Variants in DPP6 observed in about 807,000 individuals in gnomAD.
DPP6 encodes dipeptidyl peptidase like 6.
A neutral mutation model predicts 122.6 loss-of-function variants in DPP6; 69 were observed. The ratio of observed to expected loss-of-function variants is 0.56; its 90% CI spans 0.46 to 0.69. DPP6 has a LOEUF of 0.69. Ranked by LOEUF, DPP6 falls within the 30% of genes least tolerant of loss-of-function variation. The pLI is 0.00. For synonymous variants in DPP6, 418 were observed against 433.1 expected (o/e 0.97, Z 0.43); for missense variants, 928 against 1,116.9 (o/e 0.83, Z 2.41).
At chr7:153,827,561 A>G in the DPP6 span, among the ~76,000 whole-genome samples, 1 of 152,176 alleles carries the variant, frequency 6.6e-6, no homozygotes, top group Non-Finnish European at 1.5e-5. Context: ...AGGCTGACAC[A>G]AAACCCTAGT....
At chr7:154,072,064 T>A (rs1286956367) in intron 1 of DPP6, among the ~76,000 whole-genome samples, 1 of 152,218 alleles carries the variant, frequency 6.6e-6, no homozygotes, top group Non-Finnish European at 1.5e-5. Context: ...GGGCAGAGTG[T>A]ACTGATTAGA....
intron 1 of DPP6, among the ~76,000 whole-genome samples, chr7:154,102,349 C>T (rs1158504148): frequency 2.0e-5 from 3 of 152,092 alleles, no homozygotes; most frequent in South Asian, 2.1e-4. Context: ...ACCAATACGC[C>T]CAGCTAATTT....
In DPP6 at chr7:153,977,198, G is replaced by GATGTGTGTGT. The variant is rs1554424794; in HGVS notation, c.51+89464_51+89465insATGTGTGTGT. Among the ~76,000 whole-genome samples, 756 of 149,726 alleles carry GATGTGTGTGT rather than the reference G, an allele frequency of 5.0e-3. 8 individuals are homozygous for GATGTGTGTGT. The highest frequency in any genetic ancestry group is 0.025 in the Admixed American group (375 of 15,070). On this transcript the variant is annotated intron_variant, in intron 1 of 25. Coordinates refer to the DPP6 transcript ENST00000404039. Reference sequence around the variant, plus strand: ...TTTGCATTAAGTAGGTACCAATAGGGGTGTGTGTGTGTGTGTGTGTGTGTT... The same window carrying GATGTGTGTGT: ...TTTGCATTAAGTAGGTACCAATAGGGATGTGTGTGTGTGTGTGTGTGTGTGTGTGTGTGTT...
chr7:154,479,895 T>G (rs2151362931), intron 3 of DPP6, among the ~76,000 whole-genome samples: 1 of 152,158 alleles, frequency 6.6e-6, no homozygotes, highest in Admixed American at 6.5e-5. Context: ...TGCCCAACCC[T>G]GCAAACTCCC....
At chr7:153,869,968 G>C in the DPP6 span, among the ~76,000 whole-genome samples, 1 of 152,194 alleles carries the variant, frequency 6.6e-6, no homozygotes, top group East Asian at 1.9e-4. Flanking sequence ...TAAGAATGTT[G>C]AATATTGGCC....
intron 20 of DPP6, 25 bp downstream of exon 20, chr7:154,876,125 A>G: frequency 6.5e-7 from 1 of 1,549,628 alleles, no homozygotes; most frequent in Non-Finnish European, 8.7e-7. Context: ...AGGAAGCAGG[A>G]GAGGCCGGGA....
At chr7:154,581,020 C>A (rs781634077) in intron 5 of DPP6, among the ~76,000 whole-genome samples, 8 of 152,124 alleles carry the variant, frequency 5.3e-5, no homozygotes, top group Admixed American at 5.2e-4. Flanking sequence ...CTGTTCCCTC[C>A]GCTCCCAGAC....
intron 9 of DPP6, 129 bp downstream of exon 9, chr7:154,769,700 A>C: frequency 8.1e-7 from 1 of 1,239,272 alleles, no homozygotes. Context: ...AGAAAGACTA[A>C]TCATGTCTCA....
chr7:154,028,232 A>G (rs533318468), intron 1 of DPP6, among the ~76,000 whole-genome samples: 33 of 152,126 alleles, frequency 2.2e-4, no homozygotes, highest in African/African-American at 7.0e-4. Flanking sequence ...TTTAAACACA[A>G]TTCCCCCGAA....
chr7:154,665,580 C>G (rs1248052372), intron 6 of DPP6, among the ~76,000 whole-genome samples: 4 of 152,104 alleles, frequency 2.6e-5, no homozygotes, highest in African/African-American at 9.7e-5. Flanking sequence ...AATTGCTCCT[C>G]CCAGAAGCCC....
At chr7:154,274,999 G>T (rs1056534731) in intron 1 of DPP6, among the ~76,000 whole-genome samples, 11 of 152,226 alleles carry the variant, frequency 7.2e-5, no homozygotes, top group Non-Finnish European at 1.5e-5. Context: ...CTGCCCCCAT[G>T]CCTCTGGACC....
chr7:153,913,152 G>A (rs1198094832), intron 1 of DPP6, among the ~76,000 whole-genome samples: 1 of 152,148 alleles, frequency 6.6e-6, no homozygotes, highest in Non-Finnish European at 1.5e-5. Flanking sequence ...TCAACTCACT[G>A]CAACCTCTGC....
In DPP6 at chr7:154,100,639, C is replaced by T. The variant is rs1389431286; in HGVS notation, c.243+47576C>T. Among the ~76,000 whole-genome samples the T allele has an allele frequency of 3.5e-5, 3 of 86,404 alleles. 1 individual carries two copies. The highest frequency in any genetic ancestry group is 6.5e-5 in the Non-Finnish European group (3 of 46,372). The allele number at this position is 86,404 out of a possible 152,430, so 56.7% of individuals were successfully genotyped here. ...ATCTGCTCTGGCCTTCCGAGGCTTC[C>T]GCACTGCTGGCAGATGCTCCCCACG... On this transcript the variant is annotated intron_variant, in intron 1 of 25. Coordinates refer to ENST00000377770, the MANE Select transcript of DPP6 (RefSeq NM_130797.4).
chr7:154,621,411 C>A (rs1297892413), intron 5 of DPP6, among the ~76,000 whole-genome samples: 1 of 152,182 alleles, frequency 6.6e-6, no homozygotes, highest in Non-Finnish European at 1.5e-5. Context: ...CTCTGTCGCC[C>A]AGGCTAGAGG....
intron 1 of DPP6, among the ~76,000 whole-genome samples, chr7:154,165,250 T>TG (rs1797189054): frequency 6.9e-6 from 1 of 144,642 alleles, no homozygotes; most frequent in Non-Finnish European, 1.5e-5. Flanking sequence ...AGTGAGAATA[T>TG]GCGGTGTTTG....
At position 154,587,885 on chromosome 7, in the gene DPP6, C is replaced by G. The variant is rs771488645; in HGVS notation, c.627+20969C>G. On this transcript the variant is annotated intron_variant, in intron 5 of 25. Coordinates refer to ENST00000377770, the MANE Select transcript of DPP6 (RefSeq NM_130797.4). ...CCTGTTTCAGATATTCCATGGAGAC[C>G]CTGGCTGGAGGATTGCAGGAGAGTC... is the stretch of plus-strand genomic sequence containing the variant. 1.9e-6 allele frequency: 3 copies of G among 1,612,772 alleles called. No homozygotes were observed. The Admixed American group carries it at 5.0e-5, about 27-fold the overall frequency.
chr7:154,339,030 G>A (rs1370204255), intron 1 of DPP6, among the ~76,000 whole-genome samples: 1 of 152,196 alleles, frequency 6.6e-6, no homozygotes. Flanking sequence ...TTCTAAACTT[G>A]CAGCAGACTG....
intron 1 of DPP6, chr7:154,305,445 T>G: frequency 6.8e-7 from 1 of 1,466,218 alleles, no homozygotes; most frequent in Non-Finnish European, 9.2e-7. Flanking sequence ...GGCTCCCAAC[T>G]CGCCGTCAGA....
chr7:154,892,635 G>GTTTCCCAA lies in DPP6; in HGVS notation c.*155_*156insTTTCCCAA. On this transcript the variant is annotated 3_prime_UTR_variant, in exon 26 of 26. Coordinates refer to ENST00000377770, the MANE Select transcript of DPP6 (RefSeq NM_130797.4). ...TCGGATGCGGAAGGCAGTTTTGCTTGGGAAACAAGCTCCTTCCCCGGGGTC... is the reference window on the plus strand; with the variant it reads ...TCGGATGCGGAAGGCAGTTTTGCTTGTTTCCCAAGGAAACAAGCTCCTTCCCCGGGGTC... The GTTTCCCAA allele has an allele frequency of 6.9e-7, 1 of 1,452,202 alleles. No individual in the cohort carries two copies. Among genetic ancestry groups the GTTTCCCAA allele is most frequent in the Non-Finnish European group, 9.3e-7 (1 of 1,070,626 alleles). 90.0% of individuals were successfully genotyped at this position (1,452,202 alleles called of 1,614,324 possible).
Sources: gnomAD v4.1 joint callset for allele counts (sites outside exome capture counted in the v4.1 genomes callset) on GRCh38, gnomAD v4.1.1 for gene constraint, MANE v1.5 for transcripts, NCBI Gene and HGNC (gene_info 2026-07-23, HGNC 2026-07-21) for gene names.